The following ARRDC3 variants were observed in gnomAD, a reference collection of about 807,000 sequenced individuals.
ARRDC3 encodes the protein arrestin domain containing 3, also known as arrestin domain-containing protein 3.
Under a neutral mutation model 47.2 loss-of-function variants are expected in ARRDC3, and 10 were observed. The ratio of observed to expected loss-of-function variants is 0.21; its 90% CI spans 0.13 to 0.36. The LOEUF (loss-of-function observed/expected upper bound fraction) is 0.36. ARRDC3 is among the 10% of genes least tolerant of loss of function. ARRDC3 has a pLI of 1.00. For synonymous variants in ARRDC3, 156 were observed against 178.3 expected (o/e 0.87, Z 1.00); for missense variants, 381 against 503.6 (o/e 0.76, Z 2.33).
chr5:91,376,576 T>C (rs760970228), intron 3 of ARRDC3, 45 bp downstream of exon 3: 1 of 1,508,362 alleles, frequency 6.6e-7, no homozygotes, highest in South Asian at 1.2e-5. Context: ...TTCTTTAATA[T>C]TTATATGCCA....
chr5:91,375,652 G>C (rs1348318951), intron 3 of ARRDC3, 39 bp from the exon 4 acceptor site: 1 of 1,383,206 alleles, frequency 7.2e-7, no homozygotes, highest in Admixed American at 1.8e-5. Flanking sequence ...TCAGTGTATG[G>C]ATTGGTACAA....
At chr5:91,375,213 AG>A (rs1471864461) in intron 4 of ARRDC3, 35 bp from the exon 5 acceptor site, 2 of 1,572,068 alleles carry the variant, frequency 1.3e-6, no homozygotes, top group East Asian at 4.5e-5. Flanking sequence ...ATCTACTGTT[AG>A]AAAAAAACAA....
rs1451918270 is a variant in ARRDC3 at position 91,369,858 on chromosome 5, T to C, written c.*1542A>G. 6.6e-6 allele frequency: 1 copy of C among 152,154 alleles called. No homozygotes were observed. The highest frequency in any genetic ancestry group is 1.9e-4 in the East Asian group (1 of 5,198). The allele number at this position is 152,154 out of a possible 1,614,324, so 9.4% of individuals were successfully genotyped here. A position where few individuals can be genotyped will look rare whatever the true frequency, so the allele number is the denominator to read the frequency against. On this transcript the variant is annotated 3_prime_UTR_variant, in exon 8 of 8. Transcript: ENST00000265138. ...ATATTTGTTATGAGCCAACAGAAAA[T>C]TACCTTTAATATAAACTATAACTTA...
chr5:91,377,928 G>A (rs1431633677), intron 2 of ARRDC3, among the ~76,000 whole-genome samples: 1 of 151,956 alleles, frequency 6.6e-6, no homozygotes, highest in Non-Finnish European at 1.5e-5. Context: ...TTTGTCACCT[G>A]ACAAAATCTT....
chr5:91,374,858 C>G, intron 5 of ARRDC3, 64 bp downstream of exon 5: 1 of 1,528,660 alleles, frequency 6.5e-7, no homozygotes, highest in Non-Finnish European at 8.9e-7. Context: ...TGCATTCCAG[C>G]CTGGGTGACA....
intron 7 of ARRDC3, among the ~76,000 whole-genome samples, chr5:91,372,843 A>G (rs1478703096): frequency 6.6e-6 from 1 of 152,224 alleles, no homozygotes; most frequent in Admixed American, 6.5e-5. Context: ...AGTAATTTAC[A>G]GAATTATTTT....
chr5:91,372,814 A>G (rs544112266), intron 7 of ARRDC3, among the ~76,000 whole-genome samples: 16 of 152,290 alleles, frequency 1.1e-4, no homozygotes, highest in Non-Finnish European at 1.9e-4. Flanking sequence ...TACAGTAACC[A>G]AAAGAAAAAG....
chr5:91,381,266 C>A (rs1421165800), intron 1 of ARRDC3, among the ~76,000 whole-genome samples: 3 of 152,172 alleles, frequency 2.0e-5, no homozygotes, highest in Non-Finnish European at 4.4e-5. Flanking sequence ...CATGGTGCAA[C>A]TAATGAAATT....
intron 1 of ARRDC3, among the ~76,000 whole-genome samples, chr5:91,382,270 G>A (rs1799472573): frequency 1.3e-5 from 2 of 152,104 alleles, no homozygotes; most frequent in East Asian, 3.9e-4. Flanking sequence ...AAACACGTGG[G>A]GTGTTGATAC....
rs1204309304 is a variant in ARRDC3 at position 91,369,997 on chromosome 5, A to G, written c.*1403T>C. ...AACAGTATTCTCATTAGAAAAACAC[A>G]AAAATCCAAAAGATTTATCGCAGCA... On this transcript the variant is annotated 3_prime_UTR_variant, in exon 8 of 8. Coordinates refer to ENST00000265138, the MANE Select transcript of ARRDC3 (RefSeq NM_020801.4). 1.3e-5 allele frequency: 2 copies of G among 152,226 alleles called. No individual in the cohort carries two copies. Among genetic ancestry groups the G allele is most frequent in the Non-Finnish European group, 2.9e-5 (2 of 68,020 alleles). 9.4% of individuals were successfully genotyped at this position (152,226 alleles called of 1,614,324 possible). A position where few individuals can be genotyped will look rare whatever the true frequency, so the allele number is the denominator to read the frequency against.
At chr5:91,374,822 C>A in intron 5 of ARRDC3, 100 bp downstream of exon 5, 2 of 1,238,566 alleles carry the variant, frequency 1.6e-6, no homozygotes, top group Non-Finnish European at 2.2e-6. Flanking sequence ...AAAGCAGAGG[C>A]TGTAGCGGAG....
At chr5:91,381,384 AG>A (rs758504638) in intron 1 of ARRDC3, among the ~76,000 whole-genome samples, 10 of 152,342 alleles carry the variant, frequency 6.6e-5, no homozygotes, top group Non-Finnish European at 1.3e-4. Flanking sequence ...TGCAATATTC[AG>A]AAAGGTACAA....
rs190540333 is a variant in ARRDC3, at chr5:91,372,080, C to T, written c.1189-624G>A. Among the ~76,000 whole-genome samples the T allele has an allele frequency of 2.5e-3, 382 of 152,308 alleles. 2 individuals carry two copies. The highest frequency in any genetic ancestry group is 8.9e-3 in the African/African-American group (368 of 41,558). Reference sequence around the variant, plus strand: ...ACCCAAAACACTCAAGAGGTTTCCTCCCACCTTCTTTATCTTCAGAGTGAC... The same window carrying T: ...ACCCAAAACACTCAAGAGGTTTCCTTCCACCTTCTTTATCTTCAGAGTGAC... On this transcript the variant is annotated intron_variant, in intron 7 of 7. Transcript: ENST00000265138.
rs373726842 is a variant in ARRDC3 at position 91,371,337 on chromosome 5, T to C, written c.*63A>G. 3 of 1,431,976 alleles carry C rather than the reference T, an allele frequency of 2.1e-6. No homozygotes were observed. The highest frequency in any genetic ancestry group is 2.9e-6 in the Non-Finnish European group (3 of 1,024,220). The allele number at this position is 1,431,976 out of a possible 1,614,324, so 88.7% of individuals were successfully genotyped here. A position where few individuals can be genotyped will look rare whatever the true frequency, so the allele number is the denominator to read the frequency against. On this transcript the variant is annotated 3_prime_UTR_variant, in exon 8 of 8. Transcript: ENST00000265138. ...GAAACGTGTCTCCAAGATACTTCTC[T>C]GTCCTCAGCCGGAAGAGATACAGTT...
At chr5:91,380,830 C>T (rs1381216601) in intron 1 of ARRDC3, 1 of 152,276 alleles carries the variant, frequency 6.6e-6, no homozygotes, top group South Asian at 2.1e-4. Flanking sequence ...AGCCTGAAGT[C>T]GTTTCCTTTC....
Position 91,371,290 on chromosome 5 carries a change from CA to C in ARRDC3, c.*109del. ...TTCATGTATTCGCCATTTTTCTGGG[CA>C]AAAGTAATTCCACTTCCTCTGAAAC... On this transcript the variant is annotated 3_prime_UTR_variant, in exon 8 of 8. Coordinates refer to ENST00000265138, the MANE Select transcript of ARRDC3 (RefSeq NM_020801.4). 1.0e-6 allele frequency: 1 copy of C among 978,380 alleles called. No individual in the cohort carries two copies. Among genetic ancestry groups the C allele is most frequent in the African/African-American group, 1.6e-5 (1 of 61,058 alleles). 60.6% of individuals were successfully genotyped at this position (978,380 alleles called of 1,614,324 possible). A position where few individuals can be genotyped will look rare whatever the true frequency, so the allele number is the denominator to read the frequency against.
intron 2 of ARRDC3, among the ~76,000 whole-genome samples, chr5:91,377,688 G>A (rs1336736478): frequency 6.6e-6 from 1 of 151,712 alleles, no homozygotes; most frequent in Admixed American, 6.6e-5. Flanking sequence ...TTGGTTTATG[G>A]ATAGAACTTT....
chr5:91,373,552 A>T, intron 7 of ARRDC3, 132 bp downstream of exon 7: 1 of 952,670 alleles, frequency 1.0e-6, no homozygotes, highest in Non-Finnish European at 1.6e-6. Context: ...ATTAACTTTT[A>T]ATCTGTTGTT....
intron 5 of ARRDC3, 36 bp from the exon 6 acceptor site, chr5:91,374,312 C>T (rs1325140252): frequency 6.4e-7 from 1 of 1,559,050 alleles, no homozygotes; most frequent in Admixed American, 1.8e-5. Flanking sequence ...TTTAGAATGC[C>T]AAGTATGATT....
Sources: allele counts gnomAD v4.1 joint callset (sites outside exome capture counted in the v4.1 genomes callset), GRCh38; gene constraint gnomAD v4.1.1; transcripts MANE v1.5; gene names NCBI Gene and HGNC (gene_info 2026-07-23, HGNC 2026-07-21).